NDRG4: variants seen among roughly 807,000 people sequenced by gnomAD.
NDRG4 encodes protein NDRG4.
NDRG4 carries 38 observed loss-of-function variants against 55.8 expected under a neutral mutation model. The ratio of observed to expected loss-of-function variants is 0.68; its 90% CI spans 0.53 to 0.89. The LOEUF (loss-of-function observed/expected upper bound fraction) is 0.89. Ranked by LOEUF, NDRG4 falls within the 40% of genes least tolerant of loss-of-function variation. The probability of loss-of-function intolerance (pLI) is 0.00; values close to 1 mark genes in which losing one functional copy is unlikely to be tolerated. For missense variants in NDRG4, 455 were observed against 468.6 expected (o/e 0.97, Z 0.27); for synonymous variants, 190 against 182.7 (o/e 1.04, Z -0.32).
At chr16:58,466,722 C>G (rs1266173265) in intron 1 of NDRG4, among the ~76,000 whole-genome samples, 1 of 152,200 alleles carries the variant, frequency 6.6e-6, no homozygotes, top group Non-Finnish European at 1.5e-5. Flanking sequence ...TCTCACAGAT[C>G]GGGATTCTAA....
chr16:58,497,129 C>T (rs1485236716), upstream of NDRG4: 1 of 152,112 alleles, frequency 6.6e-6, no homozygotes, highest in African/African-American at 2.4e-5. Flanking sequence ...TGAGGCCAGC[C>T]TTGCCAATAT....
intron 1 of NDRG4, among the ~76,000 whole-genome samples, chr16:58,468,591 T>C (rs1357829496): frequency 6.6e-6 from 1 of 152,140 alleles, no homozygotes; most frequent in African/African-American, 2.4e-5. Flanking sequence ...CTTGGTGGTG[T>C]GTGCCTGTAG....
chr16:58,486,110 C>T lies in NDRG4; in HGVS notation c.-23-1646C>T, dbSNP rs747169031. On this transcript the variant is annotated intron_variant, in intron 1 of 15. Transcript: ENST00000258187. ...GAAGGTGCCTGTTTCAGTGCACCTTCGCTAGCGGTGTAAACTTTGCCAATG... is the reference window on the plus strand; with the variant it reads ...GAAGGTGCCTGTTTCAGTGCACCTTTGCTAGCGGTGTAAACTTTGCCAATG... Among the ~76,000 whole-genome samples, 9 of 152,286 alleles carry T rather than the reference C, an allele frequency of 5.9e-5. No homozygotes were observed. In the South Asian group the frequency reaches 6.2e-4, roughly 11 times the overall value.
rs78953817 is a variant in NDRG4 at position 58,492,777 on chromosome 16, A to C, written c.73-2187A>C. Among the ~76,000 whole-genome samples the C allele has an allele frequency of 3.7e-4, 57 of 152,142 alleles. No homozygotes were observed. The East Asian group carries it at 9.7e-3, about 26-fold the overall frequency. ...CCTTCTCTGAGATAATTGCCCTCTTAAGGTCCCGAGTATAGACATCTCCCC... is the reference window on the plus strand; with the variant it reads ...CCTTCTCTGAGATAATTGCCCTCTTCAGGTCCCGAGTATAGACATCTCCCC... On this transcript the variant is annotated intron_variant, in intron 2 of 15. Coordinates refer to the NDRG4 transcript ENST00000258187.
Position 58,471,508 on chromosome 16 carries a change from A to G in NDRG4, c.-24+7711A>G, listed in dbSNP as rs2032820956. On this transcript the variant is annotated intron_variant, in intron 1 of 15. Coordinates refer to the NDRG4 transcript ENST00000258187. ...TGGGAGAGCACCATGACACTGTTAT[A>G]TAAACTGAAGAGCATCACACAAACC... Among the ~76,000 whole-genome samples the G allele has an allele frequency of 2.0e-5, 3 of 152,082 alleles. No individual in the cohort carries two copies. In the South Asian group the frequency reaches 6.2e-4, roughly 31 times the overall value.
chr16:58,512,228 T>TCCAGCCCACACTCTG lies in NDRG4; in HGVS notation c.*654_*655insAGCCCACACTCTGCC. Reference sequence around the variant, plus strand: ...GTCAGGGCAGGAACCCCACAGACTGTCCCTTCCAGCCCACACTCTGCCACC... The same window carrying TCCAGCCCACACTCTG: ...GTCAGGGCAGGAACCCCACAGACTGTCCAGCCCACACTCTGCCCTTCCAGCCCACACTCTGCCACC... On this transcript the variant is annotated 3_prime_UTR_variant, in exon 15 of 15. Coordinates refer to ENST00000570248, the MANE Select transcript of NDRG4 (RefSeq NM_001242835.2). 2.5e-6 allele frequency: 1 copy of TCCAGCCCACACTCTG among 400,844 alleles called. No individual in the cohort carries two copies. The highest frequency in any genetic ancestry group is 5.0e-6 in the Non-Finnish European group (1 of 201,772). 24.8% of individuals were successfully genotyped at this position (400,844 alleles called of 1,614,324 possible). A position where few individuals can be genotyped will look rare whatever the true frequency, so the allele number is the denominator to read the frequency against.
intron 1 of NDRG4, among the ~76,000 whole-genome samples, chr16:58,478,183 G>C (rs2033932267): frequency 6.6e-6 from 1 of 152,090 alleles, no homozygotes; most frequent in African/African-American, 2.4e-5. Flanking sequence ...GAGGTCAGGG[G>C]TTTGAGACCA....
intron 2 of NDRG4, among the ~76,000 whole-genome samples, chr16:58,494,440 C>A (rs1433958710): frequency 6.6e-6 from 1 of 152,096 alleles, no homozygotes; most frequent in Non-Finnish European, 1.5e-5. Flanking sequence ...GATGGTCAGA[C>A]CATGAAAAAC....
At chr16:58,502,708 A>T (rs191622732) in intron 1 of NDRG4, among the ~76,000 whole-genome samples, 2 of 152,348 alleles carry the variant, frequency 1.3e-5, no homozygotes. Flanking sequence ...GGCACACAGT[A>T]GGTGCTCAGT....
At chr16:58,514,473 A>T (rs1300734429), downstream of NDRG4, among the ~76,000 whole-genome samples, 1 of 152,120 alleles carries the variant, frequency 6.6e-6, no homozygotes, top group Admixed American at 6.6e-5. Flanking sequence ...GCGGTGGCTC[A>T]CGCCTGTAAT....
At chr16:58,485,229 T>C (rs2034952532) in intron 1 of NDRG4, among the ~76,000 whole-genome samples, 1 of 152,274 alleles carries the variant, frequency 6.6e-6, no homozygotes, top group African/African-American at 2.4e-5. Flanking sequence ...GCTGTGGAAA[T>C]GTCTGCTCTG....
intron 8 of NDRG4, 199 bp from the exon 9 acceptor site, chr16:58,507,609 G>C: frequency 1.7e-6 from 1 of 587,162 alleles, no homozygotes; most frequent in Non-Finnish European, 3.0e-6. Context: ...GGCTCTGAGG[G>C]GGATAGAGAG....
intron 2 of NDRG4, 41 bp downstream of exon 2, chr16:58,503,944 C>A (rs773896195): frequency 5.0e-6 from 8 of 1,605,596 alleles, no homozygotes; most frequent in South Asian, 1.1e-5. Context: ...CTCTGCCTCC[C>A]ATCAGCCAGA....
chr16:58,488,084 G>A (rs1401713921), intron 2 of NDRG4, among the ~76,000 whole-genome samples: 2 of 152,202 alleles, frequency 1.3e-5, no homozygotes, highest in Non-Finnish European at 1.5e-5. Context: ...GAGTTATCCC[G>A]GCTTTAATGA....
At chr16:58,501,329 C>G (rs1326913932) in intron 1 of NDRG4, 2 of 369,108 alleles carry the variant, frequency 5.4e-6, no homozygotes, top group Admixed American at 9.2e-5. Context: ...AAGCCCCACT[C>G]CCCTCCAGTG....
intron 13 of NDRG4, among the ~76,000 whole-genome samples, chr16:58,510,070 T>C (rs2038605030): frequency 6.6e-6 from 1 of 152,132 alleles, no homozygotes; most frequent in Non-Finnish European, 1.5e-5. Flanking sequence ...TTGTTTTTTG[T>C]TCCCCTCCAG....
upstream of NDRG4, among the ~76,000 whole-genome samples, chr16:58,495,832 C>A (rs1343374336): frequency 6.6e-6 from 1 of 151,296 alleles, no homozygotes. Flanking sequence ...TCCGGGAATG[C>A]CATCTCCAAG....
chr16:58,501,226 G>A (rs932495486), intron 1 of NDRG4: 1 of 422,114 alleles, frequency 2.4e-6, no homozygotes, highest in South Asian at 1.3e-4. Flanking sequence ...GCCCGCCCAT[G>A]CAGACCCTGT....
chr16:58,480,845 T>C (rs1159687040), intron 1 of NDRG4, among the ~76,000 whole-genome samples: 3 of 151,968 alleles, frequency 2.0e-5, no homozygotes, highest in African/African-American at 4.8e-5. Context: ...CCATTACTAC[T>C]AAAAGTACAA....
Sources: allele counts gnomAD v4.1 joint callset (sites outside exome capture counted in the v4.1 genomes callset), GRCh38; gene constraint gnomAD v4.1.1; transcripts MANE v1.5; gene names NCBI Gene and HGNC (gene_info 2026-07-23, HGNC 2026-07-21).